The following DOCK4 variants were observed in gnomAD, a reference collection of about 807,000 sequenced individuals.
DOCK4 encodes dedicator of cytokinesis protein 4.
A neutral mutation model predicts 268.1 loss-of-function variants in DOCK4; 97 were observed. The observed-to-expected ratio is 0.36, with a 90% CI of 0.31 to 0.43. The LOEUF (loss-of-function observed/expected upper bound fraction) is 0.43, where lower values mean the gene tolerates loss of function less well. DOCK4 is among the 20% of genes least tolerant of loss of function. The pLI is 1.00. For missense variants in DOCK4, 2,145 were observed against 2,455.7 expected, an observed-to-expected ratio of 0.87 and a Z score of 2.67; for synonymous variants, 954 against 887.2, an observed-to-expected ratio of 1.08 and a Z score of -1.34.
At chr7:112,050,598 C>T (rs896985241) in intron 1 of DOCK4, among the ~76,000 whole-genome samples, 1 of 151,946 alleles carries the variant, frequency 6.6e-6, no homozygotes, top group African/African-American at 2.4e-5. Context: ...CCCAATAATA[C>T]GTTTTTAGAC....
intron 1 of DOCK4, among the ~76,000 whole-genome samples, chr7:112,066,784 A>G (rs2135640874): frequency 7.3e-6 from 1 of 137,724 alleles, no homozygotes; most frequent in East Asian, 2.1e-4. Flanking sequence ...AAATTAACAT[A>G]TTGGTCACCT....
chr7:111,765,844 A>G (rs3801780), intron 38 of DOCK4, among the ~76,000 whole-genome samples: 11,991 of 152,246 alleles, frequency 0.079, 1,511 homozygotes, highest in African/African-American at 0.27. Flanking sequence ...TATAAAGCTT[A>G]TGGTTTCCCA....
intron 36 of DOCK4, among the ~76,000 whole-genome samples, chr7:111,770,223 C>CAAA (rs756689437): frequency 1.4e-5 from 1 of 69,554 alleles, no homozygotes; most frequent in African/African-American, 4.2e-5. Context: ...GAGTGAAGAC[C>CAAA]AAAAAAAAAA....
At chr7:112,099,026 A>T (rs1448006151) in intron 1 of DOCK4, among the ~76,000 whole-genome samples, 1 of 152,186 alleles carries the variant, frequency 6.6e-6, no homozygotes, top group Non-Finnish European at 1.5e-5. Flanking sequence ...GTGGTAGGTC[A>T]GCCCTGTAAT....
chr7:111,940,468 A>G (rs1390802269), intron 10 of DOCK4, among the ~76,000 whole-genome samples: 1 of 152,204 alleles, frequency 6.6e-6, no homozygotes, highest in Admixed American at 6.5e-5. Flanking sequence ...GTCAGTTGCC[A>G]TCTGTAAAAT....
rs539581996 is a variant in DOCK4, at chr7:111,800,378, C to T, written c.3166+8443G>A. 2.0e-5 allele frequency among the ~76,000 whole-genome samples: 3 copies of T among 152,286 alleles called. No homozygotes were observed. The South Asian group carries it at 6.2e-4, about 32-fold the overall frequency. ...TAAAATTATTTTAGCCACCCAATAA[C>T]ATATCTCTCCCGATCATATTGCAAG... is the stretch of plus-strand genomic sequence containing the variant. On this transcript the variant is annotated intron_variant, in intron 30 of 52. Transcript: ENST00000428084.
At chr7:112,093,900 A>G (rs1809869989) in intron 1 of DOCK4, among the ~76,000 whole-genome samples, 1 of 151,336 alleles carries the variant, frequency 6.6e-6, no homozygotes, top group African/African-American at 2.4e-5. Flanking sequence ...AAACAGAAAA[A>G]GCACCAAAAC....
At position 111,867,966 on chromosome 7, in the gene DOCK4, T is replaced by C. The variant is rs768735247; in HGVS notation, c.2280+18A>G. On this transcript the variant is annotated intron_variant, in intron 22 of 52. Transcript: ENST00000428084. The stretch of plus-strand genomic sequence containing the variant: ...ACTTATCGTTTTCTTCTATTCAGCA[T>C]AGATGAAAAGAAATTACCTGTGACT... 7.0e-6 allele frequency: 11 copies of C among 1,568,088 alleles called. No individual in the cohort carries two copies. Among genetic ancestry groups the C allele is most frequent in the Non-Finnish European group, 9.5e-6 (11 of 1,159,090 alleles).
At chr7:111,770,691 A>G (rs914337497) in intron 36 of DOCK4, among the ~76,000 whole-genome samples, 5 of 152,252 alleles carry the variant, frequency 3.3e-5, no homozygotes, top group African/African-American at 7.2e-5. Flanking sequence ...CAATTACTCA[A>G]TTGAATAAAA....
chr7:111,863,867 A>G (rs921468368), intron 22 of DOCK4, among the ~76,000 whole-genome samples: 1 of 152,220 alleles, frequency 6.6e-6, no homozygotes, highest in Non-Finnish European at 1.5e-5. Context: ...AACTGAATAG[A>G]AAGAATGCTC....
In DOCK4 at chr7:111,834,687, CTAAGT is replaced by C; in HGVS notation, c.2737-6_2737-2del. Reference sequence around the variant, plus strand: ...ACAGGAGACAAGCAACAAACTCCCCCTAAGTTAAAAAAAAAAAAAGCATACATTTT... The same window carrying C: ...ACAGGAGACAAGCAACAAACTCCCCCTAAAAAAAAAAAAAGCATACATTTT... On this transcript the variant is annotated splice_acceptor_variant and splice_polypyrimidine_tract_variant and intron_variant, in intron 25 of 52. Transcript: ENST00000428084. LOFTEE classifies it high-confidence loss of function. 6.6e-7 allele frequency: 1 copy of C among 1,513,014 alleles called. No individual in the cohort carries two copies. The highest frequency in any genetic ancestry group is 8.8e-7 in the Non-Finnish European group (1 of 1,134,124). The allele number at this position is 1,513,014 out of a possible 1,614,324, so 93.7% of individuals were successfully genotyped here. A position where few individuals can be genotyped will look rare whatever the true frequency, so the allele number is the denominator to read the frequency against.
chr7:111,929,393 G>C (rs886260537), intron 12 of DOCK4, among the ~76,000 whole-genome samples: 1 of 151,986 alleles, frequency 6.6e-6, no homozygotes, highest in Non-Finnish European at 1.5e-5. Flanking sequence ...AAACTTTAAA[G>C]AGAGATCATG....
chr7:111,763,243 G>A (rs1173185477), intron 39 of DOCK4, among the ~76,000 whole-genome samples: 2 of 152,154 alleles, frequency 1.3e-5, no homozygotes, highest in African/African-American at 4.8e-5. Context: ...GTGAGCCACT[G>A]TGCCTGGCCA....
intron 1 of DOCK4, among the ~76,000 whole-genome samples, chr7:112,124,071 C>T (rs778065795): frequency 1.3e-5 from 2 of 151,786 alleles, no homozygotes; most frequent in Non-Finnish European, 2.9e-5. Flanking sequence ...GTTGTCCAGG[C>T]TGGAATGCAG....
intron 1 of DOCK4, among the ~76,000 whole-genome samples, chr7:112,189,037 G>A (rs1377173001): frequency 6.6e-6 from 1 of 152,198 alleles, no homozygotes; most frequent in African/African-American, 2.4e-5. Context: ...GTGTGTGACA[G>A]ATCACTGCCA....
chr7:111,973,427 T>C (rs1797892432), intron 8 of DOCK4, among the ~76,000 whole-genome samples: 1 of 152,030 alleles, frequency 6.6e-6, no homozygotes, highest in African/African-American at 2.4e-5. Flanking sequence ...CAATTAGACT[T>C]TGAACTCTCA....
At chr7:112,157,798 G>A (rs1250873939) in intron 1 of DOCK4, among the ~76,000 whole-genome samples, 2 of 152,136 alleles carry the variant, frequency 1.3e-5, no homozygotes, top group Non-Finnish European at 2.9e-5. Flanking sequence ...TGGAAAAGCA[G>A]ACAAGGGCCA....
At chr7:111,916,010 T>C in intron 12 of DOCK4, 106 bp from the exon 13 acceptor site, 1 of 1,220,776 alleles carries the variant, frequency 8.2e-7, no homozygotes, top group Non-Finnish European at 1.1e-6. Flanking sequence ...GGTTTTAAAC[T>C]AAGGGTTAAT....
chr7:112,145,275 C>T (rs1302833219), intron 1 of DOCK4, among the ~76,000 whole-genome samples: 1 of 152,140 alleles, frequency 6.6e-6, no homozygotes, highest in Non-Finnish European at 1.5e-5. Flanking sequence ...GGCTGAGATC[C>T]ATGAACCACA....
Sources: allele counts gnomAD v4.1 joint callset (sites outside exome capture counted in the v4.1 genomes callset), GRCh38; gene constraint gnomAD v4.1.1; transcripts MANE v1.5; gene names NCBI Gene and HGNC (gene_info 2026-07-23, HGNC 2026-07-21).